The following DORIP1 variants were observed in gnomAD, a reference collection of about 807,000 sequenced individuals.
DORIP1 encodes dopamine receptor-interacting protein 1.
the DORIP1 span, chr14:44,900,546 T>C: frequency 6.2e-7 from 1 of 1,607,880 alleles, no homozygotes; most frequent in Non-Finnish European, 8.5e-7. Context: ...CTATCAAAGC[T>C]GGCCGCAAAG....
the DORIP1 span, chr14:44,906,556 C>T: frequency 1.3e-5 from 2 of 152,422 alleles, no homozygotes; most frequent in East Asian, 3.8e-4. Context: ...CAAATCATTA[C>T]GATTTTATAG....
the DORIP1 span, chr14:44,904,293 T>C: frequency 1.3e-6 from 2 of 1,495,778 alleles, no homozygotes; most frequent in Non-Finnish European, 1.8e-6. Context: ...ACACCTATAA[T>C]AGATAATTAT....
chr14:44,897,457 C>G, the DORIP1 span: 3 of 209,718 alleles, frequency 1.4e-5, no homozygotes, highest in Non-Finnish European at 9.3e-6. Context: ...GCCGGCGGTA[C>G]TCATAGATGA....
the DORIP1 span, chr14:44,900,515 T>C: frequency 6.3e-6 from 10 of 1,593,322 alleles, no homozygotes; most frequent in Admixed American, 1.9e-4. Flanking sequence ...AGGCCTGTTC[T>C]TCCTTGGGGG....
At chr14:44,906,231 C>G in the DORIP1 span, 1 of 151,674 alleles carries the variant, frequency 6.6e-6, no homozygotes, top group Non-Finnish European at 1.5e-5. Context: ...AAGCTTAATT[C>G]ACGTTATTAC....
At chr14:44,901,762 C>T in the DORIP1 span, among the ~76,000 whole-genome samples, 73 of 152,312 alleles carry the variant, frequency 4.8e-4, no homozygotes, top group African/African-American at 1.7e-3. Flanking sequence ...CAGAACTTGG[C>T]ATCTCACATG....
chr14:44,901,068 A>C, the DORIP1 span: 3 of 1,058,798 alleles, frequency 2.8e-6, no homozygotes, highest in Non-Finnish European at 1.4e-6. Context: ...AAAGGACCAC[A>C]TATGCCATGC....
the DORIP1 span, among the ~76,000 whole-genome samples, chr14:44,900,022 G>T: frequency 4.8e-4 from 73 of 151,702 alleles, no homozygotes; most frequent in African/African-American, 1.6e-3. Context: ...ATAGAGAGAG[G>T]GTTTCTCCAT....
At chr14:44,898,688 C>T in the DORIP1 span, among the ~76,000 whole-genome samples, 2 of 152,154 alleles carry the variant, frequency 1.3e-5, no homozygotes, top group South Asian at 2.1e-4. Flanking sequence ...AGATTTGCCA[C>T]ACCCTCTTCT....
At chr14:44,899,367 C>CT in the DORIP1 span, 1 of 152,170 alleles carries the variant, frequency 6.6e-6, no homozygotes, top group Admixed American at 6.5e-5. Flanking sequence ...TGAATCAGAT[C>CT]TTCATAGTAT....
At chr14:44,904,496 A>T in the DORIP1 span, 1 of 1,610,922 alleles carries the variant, frequency 6.2e-7, no homozygotes, top group Non-Finnish European at 8.5e-7. Flanking sequence ...GATCTGGCGT[A>T]TGTACCCTAT....
At chr14:44,905,088 G>C in the DORIP1 span, 1 of 257,820 alleles carries the variant, frequency 3.9e-6, no homozygotes, top group Non-Finnish European at 7.2e-6. Context: ...AGGAAATAAA[G>C]GGTTCTTTTA....
chr14:44,901,675 G>A, the DORIP1 span, among the ~76,000 whole-genome samples: 1 of 152,182 alleles, frequency 6.6e-6, no homozygotes, highest in Non-Finnish European at 1.5e-5. Context: ...TCTGTCAGGA[G>A]GGCTAGTTCC....
chr14:44,901,624 G>A, the DORIP1 span, among the ~76,000 whole-genome samples: 2 of 152,272 alleles, frequency 1.3e-5, no homozygotes, highest in African/African-American at 2.4e-5. Flanking sequence ...CTTTAAGAGC[G>A]CTTAATACTG....
chr14:44,899,197 C>CAT, the DORIP1 span: 1 of 152,122 alleles, frequency 6.6e-6, no homozygotes, highest in Non-Finnish European at 1.5e-5. Context: ...ATATAACATA[C>CAT]ATATAACACA....
chr14:44,899,111 C>T, the DORIP1 span: 6 of 152,134 alleles, frequency 3.9e-5, no homozygotes, highest in South Asian at 2.1e-4. Context: ...AGTTTATTTG[C>T]TTGTCCCAAG....
chr14:44,905,852 C>A, the DORIP1 span: 1 of 175,124 alleles, frequency 5.7e-6, no homozygotes, highest in Non-Finnish European at 1.2e-5. Context: ...ACAATTCTGT[C>A]TTTGAATTCA....
At chr14:44,903,920 T>A in the DORIP1 span, 2 of 978,520 alleles carry the variant, frequency 2.0e-6, no homozygotes, top group African/African-American at 3.5e-5. Context: ...GCATTCCGGT[T>A]AATCAAGATT....
At chr14:44,898,899 C>CA in the DORIP1 span, 1 of 152,172 alleles carries the variant, frequency 6.6e-6, no homozygotes, top group Non-Finnish European at 1.5e-5. Flanking sequence ...GTTTCTTACA[C>CA]AAATAAAACA....
Sources: gnomAD v4.1 joint callset for allele counts (sites outside exome capture counted in the v4.1 genomes callset) on GRCh38, gnomAD v4.1.1 for gene constraint, MANE v1.5 for transcripts, NCBI Gene and HGNC (gene_info 2026-07-23, HGNC 2026-07-21) for gene names.